The following ADCK1 variants were observed in gnomAD, a reference collection of about 807,000 sequenced individuals.
ADCK1 encodes the protein aarF domain containing kinase 1.
Under a neutral mutation model 52.3 loss-of-function variants are expected in ADCK1, and 41 were observed. The ratio of observed to expected loss-of-function variants is 0.78; its 90% CI spans 0.61 to 1.02. The LOEUF is 1.02. ADCK1 is among the 50% of genes least tolerant of loss of function. ADCK1 has a pLI of 0.00. For missense variants in ADCK1, 658 were observed against 679.5 expected (o/e 0.97, Z 0.35); for synonymous variants, 250 against 274.6 (o/e 0.91, Z 0.89).
At chr14:77,804,050 T>C (rs2081167952) in intron 1 of ADCK1, among the ~76,000 whole-genome samples, 1 of 152,196 alleles carries the variant, frequency 6.6e-6, no homozygotes, top group Admixed American at 6.6e-5. Flanking sequence ...GAATATCTAA[T>C]GAGTTGAGTG....
At chr14:77,894,188 T>C (rs2083346721) in intron 5 of ADCK1, among the ~76,000 whole-genome samples, 1 of 152,202 alleles carries the variant, frequency 6.6e-6, no homozygotes, top group Non-Finnish European at 1.5e-5. Context: ...CTTCACCCTA[T>C]AAATCTGTTT....
At chr14:77,898,651 G>A (rs1471666858) in intron 5 of ADCK1, among the ~76,000 whole-genome samples, 1 of 152,146 alleles carries the variant, frequency 6.6e-6, no homozygotes, top group Admixed American at 6.5e-5. Flanking sequence ...GCGACGGTTG[G>A]GGGGTGGGGG....
intron 3 of ADCK1, among the ~76,000 whole-genome samples, chr14:77,847,050 G>A (rs1184399624): frequency 6.6e-6 from 1 of 152,224 alleles, no homozygotes; most frequent in African/African-American, 2.4e-5. Flanking sequence ...AGGACTAGGA[G>A]GAGGTGAAGG....
chr14:77,921,340 A>AAAAAAAAAAG (rs1457671528), intron 7 of ADCK1, among the ~76,000 whole-genome samples: 1 of 149,418 alleles, frequency 6.7e-6, no homozygotes, highest in East Asian at 2.0e-4. Flanking sequence ...AAAAAAAAAA[A>AAAAAAAAAAG]AAAAAAAAGA....
intron 4 of ADCK1, among the ~76,000 whole-genome samples, chr14:77,880,819 C>T (rs143031886): frequency 6.6e-6 from 1 of 152,330 alleles, no homozygotes; most frequent in Non-Finnish European, 1.5e-5. Context: ...CTCCTCATGG[C>T]CAGAGACTGT....
intron 8 of ADCK1, 104 bp from the exon 9 acceptor site, chr14:77,925,660 A>G: frequency 8.8e-7 from 1 of 1,139,648 alleles, no homozygotes; most frequent in Non-Finnish European, 1.3e-6. Flanking sequence ...GTGGGAAGGC[A>G]CAGTCCTCAC....
chr14:77,806,109 G>A (rs1194682331), intron 1 of ADCK1, among the ~76,000 whole-genome samples: 1 of 149,030 alleles, frequency 6.7e-6, no homozygotes, highest in Non-Finnish European at 1.5e-5. Flanking sequence ...TCAGGAGTTT[G>A]AGAGATGAGG....
rs749802288 is a variant in ADCK1 at position 77,832,225 on chromosome 14, G to A, written c.219+9707G>A. 8.8e-4 allele frequency among the ~76,000 whole-genome samples: 134 copies of A among 152,234 alleles called. 1 individual carries two copies. Among genetic ancestry groups the A allele is most frequent in the Non-Finnish European group, 1.6e-3 (109 of 68,022 alleles). ...ACTCCTGACCTCATATGATCCGCCC[G>A]CCTTGGCTGTAATCCCCAAAGTGCT... On this transcript the variant is annotated intron_variant, in intron 3 of 10. Transcript: ENST00000238561.
intron 4 of ADCK1, among the ~76,000 whole-genome samples, chr14:77,880,487 T>C (rs1413439887): frequency 6.6e-6 from 1 of 152,230 alleles, no homozygotes; most frequent in Non-Finnish European, 1.5e-5. Flanking sequence ...GGTCGGCGTG[T>C]CCTTGAGCTG....
At chr14:77,810,763 C>T (rs12590320) in intron 1 of ADCK1, among the ~76,000 whole-genome samples, 50,640 of 151,658 alleles carry the variant, frequency 0.33, 9,793 homozygotes, top group East Asian at 0.51. Flanking sequence ...GATCTTCTGA[C>T]CTCATGATTT....
rs578024021 is a variant in ADCK1, at chr14:77,802,381, G to A, written c.-12+2211G>A. On this transcript the variant is annotated intron_variant, in intron 1 of 10. Coordinates refer to ENST00000238561, the MANE Select transcript of ADCK1 (RefSeq NM_020421.4). The stretch of plus-strand genomic sequence containing the variant: ...CTTTCCTAGGATGGACTGAATGGAG[G>A]ATTTCTATTCCTTGCCTGGGTGAGA... Among the ~76,000 whole-genome samples the A allele has an allele frequency of 7.9e-5, 12 of 152,070 alleles. No individual in the cohort carries two copies. In the South Asian group the frequency reaches 2.5e-3, roughly 32 times the overall value.
intron 3 of ADCK1, among the ~76,000 whole-genome samples, chr14:77,848,234 T>C (rs1384658717): frequency 6.6e-6 from 1 of 152,116 alleles, no homozygotes; most frequent in Non-Finnish European, 1.5e-5. Context: ...GAATGTGTAA[T>C]GGTGTGGATG....
chr14:77,830,851 G>C (rs1226207405), intron 3 of ADCK1, among the ~76,000 whole-genome samples: 1 of 152,166 alleles, frequency 6.6e-6, no homozygotes, highest in African/African-American at 2.4e-5. Flanking sequence ...CTGGGCTTCT[G>C]TGGTATCAGA....
chr14:77,807,925 G>A (rs2081264857), intron 1 of ADCK1, among the ~76,000 whole-genome samples: 1 of 152,204 alleles, frequency 6.6e-6, no homozygotes, highest in South Asian at 2.1e-4. Flanking sequence ...TTACAGGCAT[G>A]AGCCACCACT....
rs530213528 is a variant in ADCK1 at position 77,899,114 on chromosome 14, T to C, written c.597T>C (p.Ala199=). Residue 199 remains alanine, a synonymous_variant, in exon 6 of 11, where the codon GCT becomes GCC. Transcript: ENST00000238561. ...DILLMEVLVL[A]VKQLFPEFEF... ...TTGGATTTCAGGTGCTCGTTCTGGC[T>C]GTGAAGCAGCTGTTCCCAGAGTTTG... 1.2e-6 allele frequency: 2 copies of C among 1,613,902 alleles called. No individual in the cohort carries two copies. Among genetic ancestry groups the C allele is most frequent in the Admixed American group, 3.3e-5 (2 of 60,032 alleles).
At chr14:77,850,373 T>G (rs772670054) in intron 3 of ADCK1, among the ~76,000 whole-genome samples, 1 of 152,250 alleles carries the variant, frequency 6.6e-6, no homozygotes, top group South Asian at 2.1e-4. Context: ...CTATTTGTTA[T>G]ATCATGTATT....
At chr14:77,910,877 A>G (rs1305895823) in intron 7 of ADCK1, among the ~76,000 whole-genome samples, 1 of 152,184 alleles carries the variant, frequency 6.6e-6, no homozygotes, top group Non-Finnish European at 1.5e-5. Flanking sequence ...CCTTGTAGAT[A>G]AAGCCAGTGG....
chr14:77,832,800 G>A (rs1012538662), intron 3 of ADCK1, among the ~76,000 whole-genome samples: 3 of 152,176 alleles, frequency 2.0e-5, no homozygotes, highest in Non-Finnish European at 2.9e-5. Flanking sequence ...TCTAGTGAAG[G>A]TATAATTCAC....
intron 7 of ADCK1, chr14:77,908,147 C>T (rs1348398142): frequency 5.0e-6 from 2 of 400,042 alleles, no homozygotes; most frequent in Non-Finnish European, 9.2e-6. Flanking sequence ...CCCCTTCTGC[C>T]ATTACCTGCT....
Sources: gnomAD v4.1 joint callset for allele counts (sites outside exome capture counted in the v4.1 genomes callset) on GRCh38, gnomAD v4.1.1 for gene constraint, MANE v1.5 for transcripts, NCBI Gene and HGNC (gene_info 2026-07-23, HGNC 2026-07-21) for gene names.